The following NLGN1 variants were observed in gnomAD, a reference collection of about 807,000 sequenced individuals.
NLGN1 encodes the protein neuroligin-1.
NLGN1 carries 12 observed loss-of-function variants against 65.5 expected under a neutral mutation model. That is an observed-to-expected ratio of 0.18 (90% confidence interval 0.12 to 0.30). The LOEUF is 0.30. NLGN1 is among the 10% of genes least tolerant of loss of function. The pLI is 1.00. For missense variants in NLGN1, 750 were observed against 1,007.1 expected (o/e 0.74, Z 3.46); for synonymous variants, 350 against 359.5 (o/e 0.97, Z 0.30).
intron 2 of NLGN1, among the ~76,000 whole-genome samples, chr3:173,505,319 A>G (rs1373710597): frequency 1.3e-5 from 2 of 152,116 alleles, no homozygotes; most frequent in Non-Finnish European, 2.9e-5. Context: ...GGCAGATTGT[A>G]ATGGAGCTCC....
intron 3 of NLGN1, among the ~76,000 whole-genome samples, chr3:173,722,056 A>G (rs540928445): frequency 3.3e-5 from 5 of 152,156 alleles, no homozygotes; most frequent in African/African-American, 1.2e-4. Context: ...TAGAATGGAG[A>G]AACACCTTAC....
chr3:174,121,801 T>C (rs995841660), intron 4 of NLGN1, among the ~76,000 whole-genome samples: 7 of 152,178 alleles, frequency 4.6e-5, no homozygotes, highest in African/African-American at 1.7e-4. Flanking sequence ...ACATAGGATT[T>C]TATGGGGACA....
At chr3:173,922,072 T>G (rs926913782) in intron 4 of NLGN1, among the ~76,000 whole-genome samples, 11 of 152,126 alleles carry the variant, frequency 7.2e-5, no homozygotes, top group African/African-American at 2.7e-4. Context: ...TATTTGCTAC[T>G]TTAATCAGTT....
intron 2 of NLGN1, among the ~76,000 whole-genome samples, chr3:173,575,216 TA>T (rs934820735): frequency 3.3e-5 from 5 of 151,150 alleles, no homozygotes; most frequent in South Asian, 4.2e-4. Flanking sequence ...AATAAAAAAA[TA>T]AAAAAAAATT....
chr3:173,448,375 C>T (rs974524531), intron 2 of NLGN1, among the ~76,000 whole-genome samples: 7 of 152,140 alleles, frequency 4.6e-5, no homozygotes, highest in Non-Finnish European at 1.0e-4. Context: ...TATTGATTTT[C>T]ATATGTTGAA....
At chr3:174,227,524 A>G (rs1739943161) in intron 4 of NLGN1, among the ~76,000 whole-genome samples, 1 of 151,978 alleles carries the variant, frequency 6.6e-6, no homozygotes, top group South Asian at 2.1e-4. Context: ...TAGTATAACT[A>G]TTTTGTTTTT....
intron 2 of NLGN1, among the ~76,000 whole-genome samples, chr3:173,450,927 A>G (rs1266328059): frequency 6.6e-6 from 1 of 151,996 alleles, no homozygotes; most frequent in Non-Finnish European, 1.5e-5. Context: ...TCCCTTAAAG[A>G]CTTCTCTGCA....
intron 4 of NLGN1, among the ~76,000 whole-genome samples, chr3:174,167,986 T>C (rs1727847195): frequency 6.6e-6 from 1 of 152,126 alleles, no homozygotes; most frequent in African/African-American, 2.4e-5. Context: ...CTGTTTTTTT[T>C]CCAGTCTATT....
intron 4 of NLGN1, among the ~76,000 whole-genome samples, chr3:174,151,774 C>T (rs964897397): frequency 6.6e-6 from 1 of 152,072 alleles, no homozygotes; most frequent in African/African-American, 2.4e-5. Flanking sequence ...GCCTGAATCA[C>T]TTGAGTATTA....
chr3:173,578,786 G>C (rs1206136027), intron 2 of NLGN1, among the ~76,000 whole-genome samples: 1 of 152,146 alleles, frequency 6.6e-6, no homozygotes, highest in Non-Finnish European at 1.5e-5. Flanking sequence ...AAGAGAACCT[G>C]CTCTGAGGTT....
chr3:174,249,438 T>C (rs1435270614), intron 4 of NLGN1, among the ~76,000 whole-genome samples: 3 of 152,168 alleles, frequency 2.0e-5, no homozygotes, highest in South Asian at 4.1e-4. Context: ...AAACAGGAGA[T>C]GCAAAGAATG....
intron 4 of NLGN1, among the ~76,000 whole-genome samples, chr3:174,203,436 G>T (rs760695965): frequency 6.6e-6 from 1 of 152,170 alleles, no homozygotes; most frequent in African/African-American, 2.4e-5. Context: ...TGGGCAGTTC[G>T]ATGTGGATGA....
intron 4 of NLGN1, among the ~76,000 whole-genome samples, chr3:174,066,566 G>C (rs367946697): frequency 0.033 from 2,272 of 69,496 alleles, 14 homozygotes; most frequent in South Asian, 0.044. Context: ...CTCTCTCTCT[G>C]TGTGTGTGTG....
At chr3:173,474,830 C>T (rs1011503830) in intron 2 of NLGN1, among the ~76,000 whole-genome samples, 8 of 151,812 alleles carry the variant, frequency 5.3e-5, no homozygotes, top group South Asian at 4.2e-4. Context: ...TGGTGGTGCA[C>T]GCCTGTAATC....
chr3:173,486,091 C>G (rs1728130816), intron 2 of NLGN1, among the ~76,000 whole-genome samples: 1 of 152,110 alleles, frequency 6.6e-6, no homozygotes, highest in Admixed American at 6.6e-5. Context: ...GCTGCCCAGG[C>G]TGCAGTACAG....
chr3:173,627,403 C>T (rs1448992233), intron 3 of NLGN1, among the ~76,000 whole-genome samples: 1 of 151,382 alleles, frequency 6.6e-6, no homozygotes, highest in African/African-American at 2.4e-5. Flanking sequence ...TTTTCCATTA[C>T]ACACACACAC....
At chr3:174,272,936 T>A (rs1352236272) in intron 4 of NLGN1, among the ~76,000 whole-genome samples, 2 of 151,730 alleles carry the variant, frequency 1.3e-5, no homozygotes, top group Non-Finnish European at 3.0e-5. Context: ...TTTAAAACTC[T>A]TTCTTGAATA....
intron 3 of NLGN1, among the ~76,000 whole-genome samples, chr3:173,722,814 T>TA (rs1481325416): frequency 6.6e-6 from 1 of 152,220 alleles, no homozygotes; most frequent in Admixed American, 6.5e-5. Context: ...TTCATTTACT[T>TA]ATTCATCAAA....
intron 4 of NLGN1, among the ~76,000 whole-genome samples, chr3:173,863,190 G>A (rs1729486785): frequency 6.7e-6 from 1 of 150,352 alleles, no homozygotes; most frequent in Non-Finnish European, 1.5e-5. Context: ...TTGTATATAT[G>A]TTCCTTTTTT....
Sources: gnomAD v4.1 joint callset for allele counts (sites outside exome capture counted in the v4.1 genomes callset) on GRCh38, gnomAD v4.1.1 for gene constraint, MANE v1.5 for transcripts, NCBI Gene and HGNC (gene_info 2026-07-23, HGNC 2026-07-21) for gene names.